The following SLC9A2 variants were observed in gnomAD, a reference collection of about 807,000 sequenced individuals.
SLC9A2 encodes the protein sodium/hydrogen exchanger 2.
A neutral mutation model predicts 71.7 loss-of-function variants in SLC9A2; 42 were observed. The observed-to-expected ratio is 0.59, with a 90% CI of 0.46 to 0.76. SLC9A2 has a LOEUF of 0.76. Ranked by LOEUF, SLC9A2 falls within the 30% of genes least tolerant of loss-of-function variation. SLC9A2 has a pLI of 0.00. For synonymous variants in SLC9A2, 396 were observed against 392.5 expected (o/e 1.01, Z -0.10); for missense variants, 829 against 1,017.4 (o/e 0.81, Z 2.52).
chr2:102,652,887 T>G (rs1000650033), intron 1 of SLC9A2, among the ~76,000 whole-genome samples: 1 of 152,176 alleles, frequency 6.6e-6, no homozygotes, highest in Non-Finnish European at 1.5e-5. Context: ...AGAAAGCAAA[T>G]TTTCTCTATT....
At position 102,678,719 on chromosome 2, in the gene SLC9A2, G is replaced by A. The variant is rs998511262; in HGVS notation, c.1005-4542G>A. Among the ~76,000 whole-genome samples the A allele has an allele frequency of 5.9e-5, 9 of 152,120 alleles. No homozygotes were observed. In the South Asian group the frequency reaches 1.0e-3, roughly 18 times the overall value. On this transcript the variant is annotated intron_variant, in intron 3 of 11. Coordinates refer to ENST00000233969, the MANE Select transcript of SLC9A2 (RefSeq NM_003048.6). ...ACTTCAGTAAGGCCAAGGACAGTCC[G>A]GTACTATCTTGCATCATTTGCCAGC...
intron 7 of SLC9A2, among the ~76,000 whole-genome samples, chr2:102,697,188 C>A (rs1397044807): frequency 6.6e-6 from 1 of 152,280 alleles, no homozygotes; most frequent in Non-Finnish European, 1.5e-5. Context: ...TCTAGTGCTC[C>A]TCTGCCTCCC....
At chr2:102,687,576 T>G (rs1677570777) in intron 5 of SLC9A2, among the ~76,000 whole-genome samples, 1 of 152,206 alleles carries the variant, frequency 6.6e-6, no homozygotes, top group Non-Finnish European at 1.5e-5. Flanking sequence ...TTTCAATATT[T>G]TATATGATAA....
At chr2:102,654,747 A>G (rs1676905852) in intron 1 of SLC9A2, among the ~76,000 whole-genome samples, 1 of 152,216 alleles carries the variant, frequency 6.6e-6, no homozygotes, top group Non-Finnish European at 1.5e-5. Flanking sequence ...GCGTGCTTAC[A>G]CAAACCTAGG....
In SLC9A2 at chr2:102,691,299, T is replaced by A. The variant is rs566394037; in HGVS notation, c.1426-3115T>A. Among the ~76,000 whole-genome samples the A allele has an allele frequency of 2.0e-5, 3 of 152,294 alleles. No individual in the cohort carries two copies. In the East Asian group the frequency reaches 5.8e-4, roughly 29 times the overall value. On this transcript the variant is annotated intron_variant, in intron 5 of 11. Coordinates refer to ENST00000233969, the MANE Select transcript of SLC9A2 (RefSeq NM_003048.6). ...GAAAAACTAAGGGTTGTATTTTTTT[T>A]ATTCTGTATGGATGGTAGCAAGCTC...
intron 1 of SLC9A2, among the ~76,000 whole-genome samples, chr2:102,632,450 T>TTA (rs972334921): frequency 2.0e-4 from 31 of 151,896 alleles, no homozygotes; most frequent in African/African-American, 7.5e-4. Context: ...ACATGCACAA[T>TTA]TATAGGTTAT....
chr2:102,657,871 C>T lies in SLC9A2; in HGVS notation c.597C>T (p.Leu199=). 2 of 1,614,262 alleles carry T rather than the reference C, an allele frequency of 1.2e-6. No individual in the cohort carries two copies. The highest frequency in any genetic ancestry group is 1.7e-6 in the Non-Finnish European group (2 of 1,180,054). The stretch of plus-strand genomic sequence containing the variant: ...TCTGCCAGATCGAAGCATTCGGCCT[C>T]AGCGACATCACTTTGCTCCAGAACC... The part of the protein sequence containing the change: ...FGICQIEAFG[L]SDITLLQNLL... The change falls in exon 2 of 12, where the codon CTC becomes CTT. Residue 199 remains leucine, a synonymous_variant. Transcript: ENST00000233969.
intron 1 of SLC9A2, among the ~76,000 whole-genome samples, chr2:102,652,723 T>C (rs1181687372): frequency 6.6e-6 from 1 of 152,248 alleles, no homozygotes; most frequent in East Asian, 1.9e-4. Context: ...CAGTAGGTCA[T>C]ACTTGCAGTA....
intron 10 of SLC9A2, among the ~76,000 whole-genome samples, chr2:102,705,630 T>C (rs964702356): frequency 3.3e-5 from 5 of 152,206 alleles, no homozygotes; most frequent in Admixed American, 6.5e-5. Flanking sequence ...TATTTCCCAC[T>C]TATTCCTATT....
intron 1 of SLC9A2, among the ~76,000 whole-genome samples, chr2:102,651,597 T>C (rs951729160): frequency 1.3e-5 from 2 of 152,240 alleles, no homozygotes; most frequent in Non-Finnish European, 2.9e-5. Context: ...AAGAGGATTC[T>C]CCCATCAATC....
intron 10 of SLC9A2, among the ~76,000 whole-genome samples, chr2:102,705,598 G>T (rs772563509): frequency 6.6e-6 from 1 of 152,070 alleles, no homozygotes; most frequent in Non-Finnish European, 1.5e-5. Flanking sequence ...AGACCCAGTG[G>T]TTTTCATATT....
chr2:102,707,308 T>A (rs1346049236), intron 11 of SLC9A2, among the ~76,000 whole-genome samples: 4 of 151,844 alleles, frequency 2.6e-5, no homozygotes, highest in East Asian at 1.9e-4. Flanking sequence ...TTTTTATTTT[T>A]TTTTTTTTGC....
chr2:102,667,839 A>G (rs12373598), intron 3 of SLC9A2, among the ~76,000 whole-genome samples: 98,006 of 151,778 alleles, frequency 0.65, 32,190 homozygotes, highest in East Asian at 0.86. Context: ...AGAGGATGAG[A>G]CGGGTGGATC....
At chr2:102,641,636 C>T (rs764214396) in intron 1 of SLC9A2, among the ~76,000 whole-genome samples, 3 of 151,964 alleles carry the variant, frequency 2.0e-5, no homozygotes, top group Non-Finnish European at 4.4e-5. Context: ...CTTCCTGCTC[C>T]GTAACAAGCA....
rs186487488 is a variant in SLC9A2 at position 102,647,301 on chromosome 2, G to A, written c.290-10263G>A. On this transcript the variant is annotated intron_variant, in intron 1 of 11. Coordinates refer to ENST00000233969, the MANE Select transcript of SLC9A2 (RefSeq NM_003048.6). ...TAAATAAGTTCTTTGAAACCAATGAGAATAAAGACACAAGGTACCAGAATC... is the reference window on the plus strand; with the variant it reads ...TAAATAAGTTCTTTGAAACCAATGAAAATAAAGACACAAGGTACCAGAATC... 9.3e-4 allele frequency among the ~76,000 whole-genome samples: 142 copies of A among 152,238 alleles called. 1 individual carries two copies. The highest frequency in any genetic ancestry group is 3.0e-3 in the African/African-American group (123 of 41,518).
At chr2:102,655,400 T>C (rs1676919379) in intron 1 of SLC9A2, among the ~76,000 whole-genome samples, 1 of 152,136 alleles carries the variant, frequency 6.6e-6, no homozygotes, top group African/African-American at 2.4e-5. Flanking sequence ...ATGATCCACC[T>C]GCCTCGGCCT....
chr2:102,629,963 T>G (rs1290399962), intron 1 of SLC9A2, among the ~76,000 whole-genome samples: 1 of 152,110 alleles, frequency 6.6e-6, no homozygotes, highest in Non-Finnish European at 1.5e-5. Context: ...AATAATTTCA[T>G]GGAACATAAT....
intron 1 of SLC9A2, among the ~76,000 whole-genome samples, chr2:102,628,330 A>C (rs1358958210): frequency 6.6e-6 from 1 of 152,168 alleles, no homozygotes; most frequent in African/African-American, 2.4e-5. Context: ...AACACAACAT[A>C]CCAATGATAA....
chr2:102,630,853 A>T lies in SLC9A2; in HGVS notation c.289+10716A>T, dbSNP rs532450435. Among the ~76,000 whole-genome samples the T allele has an allele frequency of 1.8e-3, 269 of 151,924 alleles. 1 individual carries two copies. The highest frequency in any genetic ancestry group is 6.1e-3 in the African/African-American group (255 of 41,498). Reference sequence around the variant, plus strand: ...TTTTATTCCTTTATTCCTTTAAACTATATTCATTTTATAGTCTCTTTTGGA... The same window carrying T: ...TTTTATTCCTTTATTCCTTTAAACTTTATTCATTTTATAGTCTCTTTTGGA... On this transcript the variant is annotated intron_variant, in intron 1 of 11. Coordinates refer to ENST00000233969, the MANE Select transcript of SLC9A2 (RefSeq NM_003048.6).
Sources: gnomAD v4.1 joint callset for allele counts (sites outside exome capture counted in the v4.1 genomes callset) on GRCh38, gnomAD v4.1.1 for gene constraint, MANE v1.5 for transcripts, NCBI Gene and HGNC (gene_info 2026-07-23, HGNC 2026-07-21) for gene names.